The following FSTL5 variants were observed in gnomAD, a reference collection of about 807,000 sequenced individuals.
The protein encoded by FSTL5 is follistatin like 5, also known as follistatin-related protein 5.
In FSTL5, 62 loss-of-function variants were observed where a neutral mutation model predicts 89.1. The ratio of observed to expected loss-of-function variants is 0.70; its 90% confidence interval spans 0.57 to 0.86. The LOEUF is 0.86. Ranked by LOEUF, FSTL5 falls within the 40% of genes least tolerant of loss-of-function variation. The probability of loss-of-function intolerance (pLI) is 0.00; values close to 1 mark genes in which losing one functional copy is unlikely to be tolerated. For synonymous variants in FSTL5, 383 were observed against 346.2 expected (o/e 1.11, Z -1.18); for missense variants, 1,057 against 1,001.6 (o/e 1.06, Z -0.75).
intron 4 of FSTL5, among the ~76,000 whole-genome samples, chr4:161,796,095 C>T (rs62329170): frequency 1.1e-4 from 16 of 151,864 alleles, no homozygotes; most frequent in Non-Finnish European, 2.2e-4. Context: ...TAGCCTTCTA[C>T]CTTATTTTAA....
chr4:162,037,586 G>C (rs1216898647), intron 2 of FSTL5, among the ~76,000 whole-genome samples: 1 of 151,636 alleles, frequency 6.6e-6, no homozygotes, highest in Non-Finnish European at 1.5e-5. Flanking sequence ...CACTGTATTT[G>C]TTTTCTAAAA....
intron 5 of FSTL5, among the ~76,000 whole-genome samples, chr4:161,773,732 C>T (rs991851977): frequency 2.0e-5 from 3 of 152,030 alleles, no homozygotes; most frequent in Non-Finnish European, 4.4e-5. Context: ...ACTTGTACAC[C>T]GCTGGTGGGA....
chr4:161,921,037 A>G (rs1733980902), intron 3 of FSTL5, among the ~76,000 whole-genome samples: 1 of 152,144 alleles, frequency 6.6e-6, no homozygotes, highest in African/African-American at 2.4e-5. Context: ...GAATAATAGT[A>G]TGGACCATCT....
chr4:161,441,562 C>A (rs1732762825), intron 15 of FSTL5, among the ~76,000 whole-genome samples: 1 of 151,984 alleles, frequency 6.6e-6, no homozygotes, highest in African/African-American at 2.4e-5. Context: ...ATATACATGG[C>A]TTTGAACCAG....
chr4:161,903,690 C>T (rs889574251), intron 4 of FSTL5, among the ~76,000 whole-genome samples: 6 of 151,836 alleles, frequency 4.0e-5, no homozygotes, highest in Non-Finnish European at 8.8e-5. Flanking sequence ...TAATTGAGGC[C>T]CATGGAGCAT....
At chr4:161,464,756 AATT>A (rs937720219) in intron 13 of FSTL5, among the ~76,000 whole-genome samples, 1 of 152,070 alleles carries the variant, frequency 6.6e-6, no homozygotes, top group African/African-American at 2.4e-5. Context: ...CATGGCAACT[AATT>A]ATTATTATTA....
At chr4:161,666,533 C>T (rs1736897944) in intron 6 of FSTL5, among the ~76,000 whole-genome samples, 1 of 152,046 alleles carries the variant, frequency 6.6e-6, no homozygotes, top group African/African-American at 2.4e-5. Flanking sequence ...CCAAGTTAGC[C>T]ATATCCCTTG....
rs1012510221 is a variant in FSTL5, at chr4:161,734,904, A to G, written c.727+24507T>C. On this transcript the variant is annotated intron_variant, in intron 6 of 15. Coordinates refer to ENST00000306100, the MANE Select transcript of FSTL5 (RefSeq NM_020116.5). ...ACACAACGTCTAGGGGCTTTTCCCC[A>G]TGCACCAAGAGAGCAAGCAACTCTG... 5.3e-4 allele frequency among the ~76,000 whole-genome samples: 81 copies of G among 152,198 alleles called. 2 individuals are homozygous for G. Among genetic ancestry groups the G allele is most frequent in the East Asian group, 5.9e-4 (3 of 5,116 alleles).
intron 3 of FSTL5, among the ~76,000 whole-genome samples, chr4:161,995,748 G>A (rs926198345): frequency 6.7e-6 from 1 of 148,734 alleles, no homozygotes; most frequent in Non-Finnish European, 1.5e-5. Flanking sequence ...TCCCTAAAGT[G>A]TCTATTAACA....
chr4:161,775,627 G>C (rs1217334462), intron 5 of FSTL5, among the ~76,000 whole-genome samples: 1 of 151,856 alleles, frequency 6.6e-6, no homozygotes, highest in African/African-American at 2.4e-5. Context: ...AATTCCTTTA[G>C]GTATTTAAGA....
intron 6 of FSTL5, among the ~76,000 whole-genome samples, chr4:161,657,471 T>C (rs1286143572): frequency 6.6e-6 from 1 of 152,204 alleles, no homozygotes; most frequent in African/African-American, 2.4e-5. Flanking sequence ...GAAATAATTG[T>C]CCTCTGTCCC....
At chr4:161,819,181 A>G (rs1211131371) in intron 4 of FSTL5, among the ~76,000 whole-genome samples, 4 of 152,092 alleles carry the variant, frequency 2.6e-5, no homozygotes, top group Non-Finnish European at 5.9e-5. Flanking sequence ...TGTTTATCTA[A>G]TAATAACTAA....
At chr4:162,080,059 C>T (rs1323227149) in intron 2 of FSTL5, among the ~76,000 whole-genome samples, 1 of 151,454 alleles carries the variant, frequency 6.6e-6, no homozygotes, top group Non-Finnish European at 1.5e-5. Flanking sequence ...GTATCCACCT[C>T]CCCAGAATGA....
At chr4:161,422,923 A>G (rs1732039072) in intron 15 of FSTL5, among the ~76,000 whole-genome samples, 1 of 152,216 alleles carries the variant, frequency 6.6e-6, no homozygotes, top group Non-Finnish European at 1.5e-5. Flanking sequence ...TATTACACTT[A>G]TTACCTAGTA....
chr4:162,002,489 A>G (rs189097041), intron 3 of FSTL5, among the ~76,000 whole-genome samples: 90 of 152,292 alleles, frequency 5.9e-4, no homozygotes, highest in Middle Eastern at 3.4e-3. Flanking sequence ...TTTTAGTTTA[A>G]TTGTGGGATT....
intron 8 of FSTL5, among the ~76,000 whole-genome samples, chr4:161,547,119 A>G (rs768125882): frequency 5.3e-5 from 8 of 152,072 alleles, no homozygotes; most frequent in East Asian, 1.9e-4. Flanking sequence ...GAGAGGCCCC[A>G]TGACAACAGC....
At chr4:161,879,480 C>G (rs1025061996) in intron 4 of FSTL5, among the ~76,000 whole-genome samples, 1 of 152,128 alleles carries the variant, frequency 6.6e-6, no homozygotes, top group Non-Finnish European at 1.5e-5. Flanking sequence ...CTTCCTTTCA[C>G]GTAAAGAAAT....
At chr4:161,988,702 A>AT (rs1327354641) in intron 3 of FSTL5, among the ~76,000 whole-genome samples, 1 of 152,108 alleles carries the variant, frequency 6.6e-6, no homozygotes, top group African/African-American at 2.4e-5. Flanking sequence ...ACATACTTTA[A>AT]TTTTTCCCTT....
At chr4:161,981,098 C>G (rs1313402501) in intron 3 of FSTL5, among the ~76,000 whole-genome samples, 1 of 152,040 alleles carries the variant, frequency 6.6e-6, no homozygotes, top group Non-Finnish European at 1.5e-5. Flanking sequence ...ATATATGTAA[C>G]CTTCATTCTT....
Sources: gnomAD v4.1 joint callset for allele counts (sites outside exome capture counted in the v4.1 genomes callset) on GRCh38, gnomAD v4.1.1 for gene constraint, MANE v1.5 for transcripts, NCBI Gene and HGNC (gene_info 2026-07-23, HGNC 2026-07-21) for gene names.